CSMD1: variants seen among roughly 807,000 people sequenced by gnomAD.
CSMD1 encodes CUB and sushi domain-containing protein 1.
CSMD1 carries 213 observed loss-of-function variants against 417.5 expected under a neutral mutation model. The observed-to-expected ratio is 0.51, with a 90% CI of 0.46 to 0.57. The LOEUF (loss-of-function observed/expected upper bound fraction) is 0.57. Among genes scored for constraint, CSMD1 ranks in the 20% least tolerant of loss-of-function variants. The pLI is 0.00. For missense variants in CSMD1, 6,923 were observed against 4,529.7 expected (o/e 1.53, Z -15.17); for synonymous variants, 2,862 against 1,736.8 (o/e 1.65, Z -16.11).
intron 3 of CSMD1, among the ~76,000 whole-genome samples, chr8:4,171,878 T>G (rs1797782390): frequency 6.6e-6 from 1 of 152,184 alleles, no homozygotes; most frequent in African/African-American, 2.4e-5. Flanking sequence ...TTACATCAAA[T>G]ACTTGAATGC....
chr8:4,152,472 T>C (rs1796618564), intron 3 of CSMD1, among the ~76,000 whole-genome samples: 1 of 150,224 alleles, frequency 6.7e-6, no homozygotes, highest in African/African-American at 2.5e-5. Context: ...CCCAGCAGTT[T>C]GGGCCAAGGA....
At chr8:4,175,060 A>T (rs1320341121) in intron 3 of CSMD1, among the ~76,000 whole-genome samples, 2 of 151,846 alleles carry the variant, frequency 1.3e-5, no homozygotes, top group Non-Finnish European at 2.9e-5. Context: ...AACCCTGGGC[A>T]TCTTTCACTG....
intron 1 of CSMD1, among the ~76,000 whole-genome samples, chr8:4,942,989 G>A (rs544393808): frequency 6.6e-6 from 1 of 152,250 alleles, no homozygotes; most frequent in South Asian, 2.1e-4. Context: ...CAGAAAGTCA[G>A]GCGCTCTCAG....
intron 16 of CSMD1, among the ~76,000 whole-genome samples, chr8:3,397,465 G>T (rs1171484103): frequency 6.6e-6 from 1 of 152,180 alleles, no homozygotes; most frequent in South Asian, 2.1e-4. Context: ...TGCAACTAGT[G>T]AATGTGGTAC....
intron 5 of CSMD1, among the ~76,000 whole-genome samples, chr8:3,861,773 C>G (rs559291651): frequency 6.6e-6 from 1 of 152,164 alleles, no homozygotes; most frequent in Non-Finnish European, 1.5e-5. Flanking sequence ...TTTCTACTGG[C>G]CCACTGAGTA....
At chr8:4,128,635 C>A (rs371919989) in intron 3 of CSMD1, among the ~76,000 whole-genome samples, 2 of 152,102 alleles carry the variant, frequency 1.3e-5, no homozygotes, top group African/African-American at 2.4e-5. Context: ...CCTCTTGAAG[C>A]TTTAGCTCTC....
At chr8:3,746,113 C>A (rs12334508) in intron 6 of CSMD1, among the ~76,000 whole-genome samples, 55,479 of 152,074 alleles carry the variant, frequency 0.36, 10,714 homozygotes, top group East Asian at 0.54. Context: ...GCAGATTTGG[C>A]CAACGATATT....
chr8:4,634,021 A>T (rs2130850686), intron 2 of CSMD1, among the ~76,000 whole-genome samples: 1 of 151,552 alleles, frequency 6.6e-6, no homozygotes, highest in African/African-American at 2.4e-5. Flanking sequence ...CAATGAAGAG[A>T]TGCTTTAATT....
At chr8:4,179,322 T>C (rs983549905) in intron 3 of CSMD1, among the ~76,000 whole-genome samples, 7 of 152,128 alleles carry the variant, frequency 4.6e-5, no homozygotes, top group Admixed American at 4.6e-4. Flanking sequence ...AACCAAGCAA[T>C]GGGGGAAGGA....
At chr8:3,677,469 A>G (rs1799435857) in intron 7 of CSMD1, among the ~76,000 whole-genome samples, 1 of 152,226 alleles carries the variant, frequency 6.6e-6, no homozygotes, top group South Asian at 2.1e-4. Flanking sequence ...GGGTGAATGC[A>G]CAGATCTGAG....
chr8:4,898,262 T>A (rs1440165974), intron 1 of CSMD1, among the ~76,000 whole-genome samples: 1 of 152,030 alleles, frequency 6.6e-6, no homozygotes, highest in Admixed American at 6.5e-5. Flanking sequence ...GACTTGCCCG[T>A]TTTAGGCCAA....
chr8:3,127,635 T>C (rs1817577252), intron 41 of CSMD1: 2 of 152,170 alleles, frequency 1.3e-5, no homozygotes, highest in African/African-American at 4.8e-5. Context: ...CGATTATCTT[T>C]AAAAATGGTG....
At chr8:3,127,059 T>C (rs1817547719) in intron 41 of CSMD1, among the ~76,000 whole-genome samples, 1 of 152,226 alleles carries the variant, frequency 6.6e-6, no homozygotes, top group African/African-American at 2.4e-5. Flanking sequence ...TAGATGCCTG[T>C]GATCTGCAGG....
At chr8:3,819,148 G>A (rs1342557153) in intron 5 of CSMD1, among the ~76,000 whole-genome samples, 5 of 152,186 alleles carry the variant, frequency 3.3e-5, no homozygotes, top group African/African-American at 1.2e-4. Context: ...CAGGCGGAAA[G>A]GAATCTGACA....
intron 7 of CSMD1, among the ~76,000 whole-genome samples, chr8:3,669,102 C>T (rs1011021161): frequency 2.0e-5 from 3 of 152,092 alleles, no homozygotes; most frequent in Non-Finnish European, 2.9e-5. Context: ...AAGCCATTAA[C>T]GTACAGAAAA....
chr8:4,699,451 A>C (rs117333208), intron 1 of CSMD1, among the ~76,000 whole-genome samples: 3,317 of 152,274 alleles, frequency 0.022, 49 homozygotes, highest in South Asian at 0.033. Context: ...TCAATGTCAT[A>C]TTCTATAAAG....
intron 50 of CSMD1, among the ~76,000 whole-genome samples, chr8:3,047,590 G>A (rs957926017): frequency 2.0e-5 from 3 of 152,212 alleles, no homozygotes; most frequent in Non-Finnish European, 4.4e-5. Context: ...ATGCTGTCCT[G>A]ATGGAATCCA....
intron 1 of CSMD1, among the ~76,000 whole-genome samples, chr8:4,819,731 C>T (rs17071579): frequency 0.064 from 9,768 of 152,038 alleles, 544 homozygotes; most frequent in East Asian, 0.24. Flanking sequence ...AACCATTGAA[C>T]GGAAAATGCT....
chr8:3,569,850 G>A (rs1352078833), intron 10 of CSMD1, among the ~76,000 whole-genome samples: 4 of 152,012 alleles, frequency 2.6e-5, no homozygotes, highest in African/African-American at 7.2e-5. Context: ...TTGGTTGTGC[G>A]GGTATGTCAA....
Sources: gnomAD v4.1 joint callset for allele counts (sites outside exome capture counted in the v4.1 genomes callset) on GRCh38, gnomAD v4.1.1 for gene constraint, MANE v1.5 for transcripts, NCBI Gene and HGNC (gene_info 2026-07-23, HGNC 2026-07-21) for gene names.